The following MTMR1 variants were observed in gnomAD, a reference collection of about 807,000 sequenced individuals.
MTMR1 encodes the protein myotubularin related protein 1, also known as phosphatidylinositol-3-phosphate phosphatase MTMR1.
Under a neutral mutation model 51.6 loss-of-function variants are expected in MTMR1, and 17 were observed. That is an observed-to-expected ratio of 0.33 (90% CI 0.23 to 0.49). The LOEUF is 0.49. Among genes scored for constraint, MTMR1 ranks in the 20% least tolerant of loss-of-function variants. The pLI, the probability that MTMR1 is intolerant of heterozygous loss-of-function variation, is 0.99. For synonymous variants in MTMR1, 201 were observed against 205.6 expected (o/e 0.98, Z 0.19); for missense variants, 386 against 526.9 (o/e 0.73, Z 2.62).
At chrX:150,709,699 A>G (rs1424837050) in intron 2 of MTMR1, among the ~76,000 whole-genome samples, 4 of 111,769 alleles carry the variant, frequency 3.6e-5, no homozygotes, top group African/African-American at 3.3e-5. Context: ...GACGTCTCAC[A>G]TGGCCAGAGT....
intron 14 of MTMR1, among the ~76,000 whole-genome samples, chrX:150,754,348 G>A (rs1238376000): frequency 8.9e-6 from 1 of 112,747 alleles, no homozygotes; most frequent in African/African-American, 3.2e-5. Context: ...ATAAATAAAT[G>A]TATACAAATT....
intron 15 of MTMR1, among the ~76,000 whole-genome samples, chrX:150,761,749 G>C (rs1249873154): frequency 1.8e-5 from 2 of 112,378 alleles, no homozygotes; most frequent in Non-Finnish European, 3.8e-5. Flanking sequence ...CAGCCAAAGA[G>C]CTCCAGGTGA....
At position 150,758,445 on chromosome X, in the gene MTMR1, C is replaced by G. The variant is rs559027555; in HGVS notation, c.1857+2580C>G. Among the ~76,000 whole-genome samples, 139 of 112,390 alleles carry G rather than the reference C, an allele frequency of 1.2e-3. 1 individual carries two copies. In the South Asian group the frequency reaches 0.047, roughly 38 times the overall value. On this transcript the variant is annotated intron_variant, in intron 15 of 15. Coordinates refer to ENST00000445323, the MANE Select transcript of MTMR1 (RefSeq NM_001306144.3). Reference sequence around the variant, plus strand: ...GCTCCCCACGCCCTCTGCCACTTGGCCACCACCTGAGCTCCTGGCATCAAC... The same window carrying G: ...GCTCCCCACGCCCTCTGCCACTTGGGCACCACCTGAGCTCCTGGCATCAAC...
intron 3 of MTMR1, among the ~76,000 whole-genome samples, chrX:150,713,815 G>A (rs2041396492): frequency 9.0e-6 from 1 of 111,276 alleles, no homozygotes; most frequent in Admixed American, 9.6e-5. Context: ...GAAGTGCGTT[G>A]ATAGAGTAAT....
At chrX:150,718,918 TC>T (rs1557416506) in intron 4 of MTMR1, among the ~76,000 whole-genome samples, 1 of 110,665 alleles carries the variant, frequency 9.0e-6, no homozygotes, top group African/African-American at 3.3e-5. Context: ...TTGATGGCGT[TC>T]CCAACAGAAG....
At position 150,693,562 on chromosome X, in the gene MTMR1, G is replaced by A; in HGVS notation, c.32G>A (p.Gly11Asp). Residue 11 changes from glycine (G) to aspartate (D), a missense_variant, in exon 1 of 16, where the codon GGC becomes GAC. Coordinates refer to ENST00000445323, the MANE Select transcript of MTMR1 (RefSeq NM_001306144.3). MDRPAAAAAA[G>D]CEGGGGPNPG... ...AGGCCGGCGGCGGCGGCGGCGGCGG[G>A]CTGCGAGGGCGGCGGGGGCCCGAAC... 1.2e-5 allele frequency: 9 copies of A among 761,052 alleles called. No individual in the cohort carries two copies. The highest frequency in any genetic ancestry group is 1.4e-5 in the Non-Finnish European group (9 of 644,431). 62.7% of individuals were successfully genotyped at this position (761,052 alleles called of 1,213,427 possible). A position where few individuals can be genotyped will look rare whatever the true frequency, so the allele number is the denominator to read the frequency against.
chrX:150,764,310 C>A lies in MTMR1; in HGVS notation c.*1581C>A. On this transcript the variant is annotated 3_prime_UTR_variant, in exon 16 of 16. Transcript: ENST00000445323. ...AAAATTATCCTTCTATAAGAAGATA[C>A]CAGAGAGATTTATTCAAGGTAATTT... 9.0e-6 allele frequency: 1 copy of A among 111,499 alleles called. No individual in the cohort carries two copies. Among genetic ancestry groups the A allele is most frequent in the East Asian group, 2.8e-4 (1 of 3,604 alleles). 9.2% of individuals were successfully genotyped at this position (111,499 alleles called of 1,213,427 possible).
At chrX:150,696,434 G>A (rs2148540308) in intron 1 of MTMR1, among the ~76,000 whole-genome samples, 1 of 111,829 alleles carries the variant, frequency 8.9e-6, no homozygotes, top group South Asian at 3.8e-4. Context: ...CTGTGGTCCT[G>A]TAAGAGGATG....
At chrX:150,738,360 A>G (rs2042335683) in intron 12 of MTMR1, among the ~76,000 whole-genome samples, 1 of 112,349 alleles carries the variant, frequency 8.9e-6, no homozygotes, top group Admixed American at 9.4e-5. Context: ...TATATACCAC[A>G]TGTTGTTTAT....
At chrX:150,756,564 C>T (rs1247035518) in intron 15 of MTMR1, among the ~76,000 whole-genome samples, 2 of 112,113 alleles carry the variant, frequency 1.8e-5, no homozygotes, top group African/African-American at 6.5e-5. Context: ...GTGGCCAGGG[C>T]ATGGTTGGTT....
intron 12 of MTMR1, among the ~76,000 whole-genome samples, chrX:150,743,624 T>TC (rs1482351269): frequency 5.3e-5 from 6 of 112,214 alleles, no homozygotes; most frequent in Admixed American, 4.7e-4. Context: ...TGAGTTTTTT[T>TC]CCCCACATCC....
chrX:150,737,547 C>A, intron 12 of MTMR1, 99 bp downstream of exon 12: 2 of 663,643 alleles, frequency 3.0e-6, no homozygotes, highest in Non-Finnish European at 4.7e-6. Context: ...TACACACACA[C>A]GTGCAGGCTT....
At chrX:150,709,853 C>A (rs961020075) in intron 2 of MTMR1, among the ~76,000 whole-genome samples, 1 of 112,486 alleles carries the variant, frequency 8.9e-6, no homozygotes, top group Non-Finnish European at 1.9e-5. Flanking sequence ...ACCTCCAACA[C>A]TGGGGATTAG....
chrX:150,712,989 A>G, intron 3 of MTMR1: 1 of 905,426 alleles, frequency 1.1e-6, no homozygotes, highest in African/African-American at 2.1e-5. Flanking sequence ...CATGCATTTA[A>G]CAGACATTGA....
chrX:150,702,037 C>T (rs2040927192), intron 2 of MTMR1, among the ~76,000 whole-genome samples: 1 of 110,640 alleles, frequency 9.0e-6, no homozygotes, highest in African/African-American at 3.3e-5. Flanking sequence ...CCATTCCCAT[C>T]CACTGCTTTT....
intron 2 of MTMR1, among the ~76,000 whole-genome samples, chrX:150,701,216 C>A (rs2040895701): frequency 9.1e-6 from 1 of 109,997 alleles, no homozygotes; most frequent in African/African-American, 3.3e-5. Flanking sequence ...TTTTTTTTTA[C>A]ATAATAAATA....
At position 150,762,678 on chromosome X, in the gene MTMR1, G is replaced by A. The variant is rs782493278; in HGVS notation, c.1971G>A (p.Glu657=). The change falls in exon 16 of 16, where the codon GAG becomes GAA. Residue 657 remains glutamate (E), a synonymous_variant. Transcript: ENST00000445323. ...VATRAVSSSS[E]RGSSPSHSAT... is the part of the protein sequence containing the mutation. ...CGCGCGCCGTCTCATCCTCATCTGA[G>A]CGGGGCTCCTCGCCCTCCCACTCCG... 6.7e-6 allele frequency: 8 copies of A among 1,195,106 alleles called. No homozygotes were observed. In the East Asian group the frequency reaches 2.4e-4, roughly 36 times the overall value.
chrX:150,733,880 A>G (rs1467281684), intron 10 of MTMR1, among the ~76,000 whole-genome samples: 1 of 111,510 alleles, frequency 9.0e-6, no homozygotes, highest in Non-Finnish European at 1.9e-5. Context: ...TTGAGGGTGA[A>G]TAGTGGTGTC....
chrX:150,731,359 A>G (rs1465289005), intron 8 of MTMR1, 111 bp from the exon 9 acceptor site: 51 of 645,349 alleles, frequency 7.9e-5, no homozygotes, highest in Non-Finnish European at 1.1e-4. Context: ...ACAATAAATT[A>G]TAAACGGATT....
Sources: allele counts gnomAD v4.1 joint callset (sites outside exome capture counted in the v4.1 genomes callset), GRCh38; gene constraint gnomAD v4.1.1; transcripts MANE v1.5; gene names NCBI Gene and HGNC (gene_info 2026-07-23, HGNC 2026-07-21).